The following PARP8 variants were observed in gnomAD, a reference collection of about 807,000 sequenced individuals.
The protein encoded by PARP8 is protein mono-ADP-ribosyltransferase PARP8.
A neutral mutation model predicts 124.1 loss-of-function variants in PARP8; 51 were observed. The observed-to-expected ratio is 0.41, with a 90% CI of 0.33 to 0.52. The LOEUF (loss-of-function observed/expected upper bound fraction) is 0.52. Among genes scored for constraint, PARP8 ranks in the 20% least tolerant of loss-of-function variants. The pLI is 0.21. For missense variants in PARP8, 860 were observed against 1,018.9 expected (o/e 0.84, Z 2.12); for synonymous variants, 391 against 361.5 (o/e 1.08, Z -0.93).
chr5:50,840,793 A>G (rs560692329), intron 25 of PARP8, among the ~76,000 whole-genome samples: 156 of 151,990 alleles, frequency 1.0e-3, no homozygotes, highest in African/African-American at 3.5e-3. Context: ...GTCCTGAGAA[A>G]ATATTTGTAA....
chr5:50,823,313 G>A (rs372061591), intron 17 of PARP8, among the ~76,000 whole-genome samples: 5 of 151,906 alleles, frequency 3.3e-5, no homozygotes, highest in African/African-American at 1.2e-4. Context: ...GTACATTTTT[G>A]CATTTCCATT....
chr5:50,670,019 G>A (rs1185355966), intron 2 of PARP8, among the ~76,000 whole-genome samples: 1 of 152,200 alleles, frequency 6.6e-6, no homozygotes, highest in Non-Finnish European at 1.5e-5. Context: ...TTGTTACAGT[G>A]TAGTAACCGT....
intron 2 of PARP8, among the ~76,000 whole-genome samples, chr5:50,739,799 G>A (rs1339451828): frequency 1.1e-4 from 14 of 133,122 alleles, no homozygotes; most frequent in Non-Finnish European, 1.5e-4. Flanking sequence ...GAGGTGGCAC[G>A]ATCTTGGATC....
At chr5:50,840,743 A>G (rs1404697303) in intron 25 of PARP8, among the ~76,000 whole-genome samples, 1 of 151,854 alleles carries the variant, frequency 6.6e-6, no homozygotes, top group African/African-American at 2.4e-5. Context: ...GGATGCAATA[A>G]AAGTCATGGA....
At chr5:50,807,677 G>A (rs1739423099) in intron 14 of PARP8, among the ~76,000 whole-genome samples, 1 of 152,060 alleles carries the variant, frequency 6.6e-6, no homozygotes, top group Non-Finnish European at 1.5e-5. Context: ...ATAATGGTGT[G>A]AACTGCTGAA....
chr5:50,737,205 G>A (rs1162031943), intron 2 of PARP8, among the ~76,000 whole-genome samples: 1 of 152,082 alleles, frequency 6.6e-6, no homozygotes, highest in Non-Finnish European at 1.5e-5. Context: ...CTTGGGAGGG[G>A]TGTGTAGGCA....
rs201581623 is a variant in PARP8, at chr5:50,832,822, G to A, written c.2275G>A (p.Ala759Thr). Residue 759 changes from alanine (A) to threonine (T), a missense_variant, in exon 23 of 26, where the codon GCT becomes ACT. By Grantham distance (58) the Ala-to-Thr change is moderately conservative. Coordinates refer to ENST00000281631, the MANE Select transcript of PARP8 (RefSeq NM_024615.4). Reference protein sequence around the residue: ...KQKVSAKDEPASSSKSSNTSQ... With the variant: ...KQKVSAKDEPTSSSKSSNTSQ... ...GAAGGTGTCAGCCAAGGACGAGCCA[G>A]CTTCAAGCAGTAAAAGCAGCAATAC... 6.7e-5 allele frequency: 108 copies of A among 1,613,366 alleles called. No homozygotes were observed. Among genetic ancestry groups the A allele is most frequent in the Non-Finnish European group, 8.1e-5 (95 of 1,179,594 alleles).
intron 2 of PARP8, among the ~76,000 whole-genome samples, chr5:50,733,938 GTTGTC>G (rs1757236809): frequency 6.6e-6 from 1 of 152,070 alleles, no homozygotes. Context: ...CGTAACTTAA[GTTGTC>G]TTGTCTTATG....
At chr5:50,826,341 AT>A (rs1377819160) in intron 18 of PARP8, among the ~76,000 whole-genome samples, 2 of 151,928 alleles carry the variant, frequency 1.3e-5, no homozygotes, top group African/African-American at 4.8e-5. Flanking sequence ...AAGAAAAAAA[AT>A]CTTCATAAGA....
intron 2 of PARP8, among the ~76,000 whole-genome samples, chr5:50,733,573 G>T (rs1228819576): frequency 2.6e-5 from 4 of 152,056 alleles, no homozygotes; most frequent in Non-Finnish European, 5.9e-5. Context: ...GCTATAGATA[G>T]CAGTATTTAT....
At chr5:50,685,084 A>G (rs1418008323) in intron 2 of PARP8, among the ~76,000 whole-genome samples, 1 of 152,074 alleles carries the variant, frequency 6.6e-6, no homozygotes, top group East Asian at 1.9e-4. Flanking sequence ...TTAAAATGTT[A>G]TTTGCAGTTG....
chr5:50,788,197 G>A, intron 9 of PARP8, among the ~76,000 whole-genome samples: 1 of 143,912 alleles, frequency 6.9e-6, no homozygotes, highest in Admixed American at 7.5e-5. Context: ...ATATATTAAT[G>A]TATAATATAT....
intron 14 of PARP8, among the ~76,000 whole-genome samples, chr5:50,798,035 G>A (rs1742752813): frequency 6.6e-6 from 1 of 152,084 alleles, no homozygotes; most frequent in Non-Finnish European, 1.5e-5. Flanking sequence ...GGTCATTCTG[G>A]ATATTTGATA....
intron 2 of PARP8, among the ~76,000 whole-genome samples, chr5:50,739,810 T>G (rs1044067356): frequency 4.1e-5 from 6 of 146,950 alleles, no homozygotes; most frequent in African/African-American, 1.5e-4. Context: ...ATCTTGGATC[T>G]CTGATCTCGG....
intron 21 of PARP8, among the ~76,000 whole-genome samples, chr5:50,829,128 G>A (rs1458180455): frequency 6.6e-6 from 1 of 152,160 alleles, no homozygotes. Context: ...TCTGATACCT[G>A]CTTTTCCGCC....
At chr5:50,706,057 T>C (rs1460240946) in intron 2 of PARP8, among the ~76,000 whole-genome samples, 1 of 152,192 alleles carries the variant, frequency 6.6e-6, no homozygotes, top group Non-Finnish European at 1.5e-5. Context: ...GCTTAACAAT[T>C]GCTTTCTAAA....
intron 24 of PARP8, among the ~76,000 whole-genome samples, chr5:50,834,527 CT>C (rs761213404): frequency 6.6e-6 from 1 of 152,090 alleles, no homozygotes; most frequent in Non-Finnish European, 1.5e-5. Flanking sequence ...TTTGTTCTTG[CT>C]TTAAAATATG....
chr5:50,736,778 A>T (rs1477911959), intron 2 of PARP8, among the ~76,000 whole-genome samples: 1 of 152,114 alleles, frequency 6.6e-6, no homozygotes, highest in Non-Finnish European at 1.5e-5. Flanking sequence ...TTTCCTTTAG[A>T]ATTTCTCTCC....
intron 14 of PARP8, among the ~76,000 whole-genome samples, chr5:50,812,507 G>A (rs1302375921): frequency 1.3e-5 from 2 of 152,140 alleles, no homozygotes; most frequent in Non-Finnish European, 2.9e-5. Context: ...TTTGTCAGAT[G>A]GGTAGATTGC....
Sources: allele counts gnomAD v4.1 joint callset (sites outside exome capture counted in the v4.1 genomes callset), GRCh38; gene constraint gnomAD v4.1.1; transcripts MANE v1.5; gene names NCBI Gene and HGNC (gene_info 2026-07-23, HGNC 2026-07-21).